Variants in THSD7B observed in about 807,000 individuals in gnomAD.
The protein encoded by THSD7B is thrombospondin type 1 domain containing 7B.
Under a neutral mutation model 213.6 loss-of-function variants are expected in THSD7B, and 138 were observed. The observed-to-expected ratio is 0.65, with a 90% CI of 0.56 to 0.74. The LOEUF (loss-of-function observed/expected upper bound fraction) is 0.74, where lower values mean the gene tolerates loss of function less well. THSD7B is among the 30% of genes least tolerant of loss of function. The pLI is 0.00. For missense variants in THSD7B, 1,931 were observed against 1,991.5 expected (o/e 0.97, Z 0.58); for synonymous variants, 742 against 687.0 (o/e 1.08, Z -1.25).
chr2:137,576,290 G>A (rs1681459455), intron 17 of THSD7B, among the ~76,000 whole-genome samples: 1 of 152,104 alleles, frequency 6.6e-6, no homozygotes, highest in African/African-American at 2.4e-5. Context: ...TTTTGCAGAA[G>A]CAAGACTTTG....
At chr2:136,906,530 T>A (rs920125917) in intron 2 of THSD7B, 17 of 152,174 alleles carry the variant, frequency 1.1e-4, no homozygotes, top group African/African-American at 3.9e-4. Flanking sequence ...GGATCATTTT[T>A]ATAAGTCTTG....
intron 15 of THSD7B, among the ~76,000 whole-genome samples, chr2:137,549,048 A>G (rs1680792206): frequency 6.6e-6 from 1 of 152,010 alleles, no homozygotes. Flanking sequence ...AAAGTCCATA[A>G]GGAAAGTAAA....
intron 12 of THSD7B, among the ~76,000 whole-genome samples, chr2:137,302,523 G>T (rs549671093): frequency 6.6e-6 from 1 of 152,108 alleles, no homozygotes. Flanking sequence ...GCATGCCATC[G>T]TGAGTTCAAG....
chr2:136,974,485 T>C (rs1685449472), intron 2 of THSD7B, among the ~76,000 whole-genome samples: 1 of 152,208 alleles, frequency 6.6e-6, no homozygotes, highest in African/African-American at 2.4e-5. Flanking sequence ...TTGCTGAGGA[T>C]AATGGCTTCC....
Position 137,231,344 on chromosome 2 carries a change from A to T in THSD7B, c.1915+109A>T. On this transcript the variant is annotated intron_variant, in intron 8 of 27. Transcript: ENST00000409968. The stretch of plus-strand genomic sequence containing the variant: ...TGGAGGAAATAGTCACACATAGACG[A>T]TATCTCTATTCCCTGAATCCAGATT... The T allele has an allele frequency of 4.8e-6, 5 of 1,049,690 alleles. No individual in the cohort carries two copies. In the South Asian group the frequency reaches 8.6e-5, roughly 18 times the overall value. 65.0% of individuals were successfully genotyped at this position (1,049,690 alleles called of 1,614,324 possible).
At chr2:137,155,136 C>G (rs147164217) in intron 5 of THSD7B, among the ~76,000 whole-genome samples, 1 of 152,258 alleles carries the variant, frequency 6.6e-6, no homozygotes, top group African/African-American at 2.4e-5. Flanking sequence ...AGAAAGATGC[C>G]GCTAGGCAGT....
chr2:137,276,741 G>A (rs1049679403), intron 12 of THSD7B, among the ~76,000 whole-genome samples: 5 of 152,050 alleles, frequency 3.3e-5, no homozygotes, highest in South Asian at 4.2e-4. Context: ...CTCACTGAAG[G>A]GATATATGTG....
At chr2:137,270,713 C>T (rs1682713027) in intron 10 of THSD7B, among the ~76,000 whole-genome samples, 1 of 152,060 alleles carries the variant, frequency 6.6e-6, no homozygotes, top group Non-Finnish European at 1.5e-5. Flanking sequence ...GGTGACTGGT[C>T]TGATGGAGGA....
At chr2:137,030,598 T>G (rs2104851793) in intron 2 of THSD7B, among the ~76,000 whole-genome samples, 1 of 152,192 alleles carries the variant, frequency 6.6e-6, no homozygotes, top group African/African-American at 2.4e-5. Context: ...TAGGCTGTAG[T>G]TCTTACAAAA....
chr2:136,828,323 A>G (rs899007937), intron 1 of THSD7B, among the ~76,000 whole-genome samples: 3 of 152,158 alleles, frequency 2.0e-5, no homozygotes, highest in African/African-American at 7.2e-5. Flanking sequence ...ACTATCATTG[A>G]CAACTGTCTC....
At chr2:137,506,415 G>A (rs956853003) in intron 15 of THSD7B, among the ~76,000 whole-genome samples, 4 of 152,086 alleles carry the variant, frequency 2.6e-5, no homozygotes, top group East Asian at 3.9e-4. Context: ...ATTCTTTAAC[G>A]TTCCTGAATA....
intron 1 of THSD7B, among the ~76,000 whole-genome samples, chr2:136,773,285 A>G (rs1183187387): frequency 1.3e-5 from 2 of 152,074 alleles, no homozygotes; most frequent in African/African-American, 2.4e-5. Context: ...TATGAGGTTG[A>G]TTGTATTATT....
At chr2:137,207,660 T>C (rs1252723197) in intron 7 of THSD7B, among the ~76,000 whole-genome samples, 7 of 152,012 alleles carry the variant, frequency 4.6e-5, no homozygotes. Flanking sequence ...GATTGAGGTA[T>C]TGGTAGACAT....
intron 2 of THSD7B, among the ~76,000 whole-genome samples, chr2:136,931,217 T>A (rs1010951535): frequency 1.3e-5 from 2 of 152,152 alleles, no homozygotes; most frequent in Admixed American, 6.5e-5. Flanking sequence ...GGGAAATATG[T>A]ATATACATGT....
At chr2:137,013,949 G>C (rs1686286378) in intron 2 of THSD7B, among the ~76,000 whole-genome samples, 1 of 152,196 alleles carries the variant, frequency 6.6e-6, no homozygotes, top group Admixed American at 6.5e-5. Flanking sequence ...AGGATGTGTT[G>C]GCAGATATAA....
At position 137,266,916 on chromosome 2, in the gene THSD7B, A is replaced by C. The variant is rs1159111624; in HGVS notation, c.2267-5617A>C. Among the ~76,000 whole-genome samples the C allele has an allele frequency of 3.9e-5, 6 of 152,318 alleles. No homozygotes were observed. The South Asian group carries it at 1.2e-3, about 32-fold the overall frequency. On this transcript the variant is annotated intron_variant, in intron 10 of 27. Coordinates refer to ENST00000409968, the MANE Select transcript of THSD7B (RefSeq NM_001316349.2). ...TTCTTTATTGTAGCTCATTAATCGA[A>C]TAACTCTGACATCAGGGCTCAGCAT...
At chr2:137,255,832 C>T (rs567887322) in intron 10 of THSD7B, among the ~76,000 whole-genome samples, 57 of 152,246 alleles carry the variant, frequency 3.7e-4, no homozygotes, top group African/African-American at 1.3e-3. Context: ...GCTGGGACTA[C>T]AGGTGCGTGC....
intron 1 of THSD7B, among the ~76,000 whole-genome samples, chr2:136,786,287 C>A (rs1681846988): frequency 6.6e-6 from 1 of 152,134 alleles, no homozygotes; most frequent in Non-Finnish European, 1.5e-5. Flanking sequence ...ATATTTTCAT[C>A]TCCTGTAGTA....
At chr2:137,001,144 C>T (rs180962207) in intron 2 of THSD7B, among the ~76,000 whole-genome samples, 152 of 152,080 alleles carry the variant, frequency 1.0e-3, no homozygotes, top group Middle Eastern at 6.8e-3. Flanking sequence ...CTTTTTAATG[C>T]TATAGATTCA....
Sources: allele counts gnomAD v4.1 joint callset (sites outside exome capture counted in the v4.1 genomes callset), GRCh38; gene constraint gnomAD v4.1.1; transcripts MANE v1.5; gene names NCBI Gene and HGNC (gene_info 2026-07-23, HGNC 2026-07-21).